The following ZNF480 variants were observed in gnomAD, a reference collection of about 807,000 sequenced individuals.
ZNF480 encodes zinc finger protein 480.
Under a neutral mutation model 14.4 loss-of-function variants are expected in ZNF480, and 15 were observed. The observed-to-expected ratio is 1.04, with a 90% CI of 0.70 to 1.60. ZNF480 has a LOEUF of 1.60. Among genes scored for constraint, ZNF480 ranks in the 40% most tolerant of loss-of-function variants. ZNF480 has a pLI of 0.00. For synonymous variants in ZNF480, 218 were observed against 215.5 expected (o/e 1.01, Z -0.10); for missense variants, 593 against 629.7 (o/e 0.94, Z 0.62).
At chr19:52,313,431 C>T (rs368886718) in intron 2 of ZNF480, among the ~76,000 whole-genome samples, 1 of 151,998 alleles carries the variant, frequency 6.6e-6, no homozygotes, top group Non-Finnish European at 1.5e-5. Context: ...AGCCACCATG[C>T]CTGGCCTATA....
intron 2 of ZNF480, among the ~76,000 whole-genome samples, chr19:52,304,640 G>T (rs1344999926): frequency 1.3e-5 from 2 of 151,852 alleles, no homozygotes; most frequent in African/African-American, 4.8e-5. Context: ...GCTTGAAGTG[G>T]TTTCTTTAAC....
At chr19:52,313,337 C>T (rs1309491061) in intron 2 of ZNF480, among the ~76,000 whole-genome samples, 3 of 151,702 alleles carry the variant, frequency 2.0e-5, no homozygotes, top group South Asian at 2.1e-4. Context: ...GGGGTTTCAC[C>T]ATGTTGGCCA....
Position 52,325,161 on chromosome 19 carries a change from A to T in ZNF480, c.*2303A>T, listed in dbSNP as rs1042187012. 1 of 152,240 alleles carries T rather than the reference A, an allele frequency of 6.6e-6. No homozygotes were observed. The highest frequency in any genetic ancestry group is 2.4e-5 in the African/African-American group (1 of 41,476). The allele number at this position is 152,240 out of a possible 1,614,324, so 9.4% of individuals were successfully genotyped here. A position where few individuals can be genotyped will look rare whatever the true frequency, so the allele number is the denominator to read the frequency against. On this transcript the variant is annotated 3_prime_UTR_variant, in exon 5 of 5. Coordinates refer to ENST00000595962, the MANE Select transcript of ZNF480 (RefSeq NM_144684.4). ...ATGTGGCAATAAGCATATGAAAAAAATGGTTAATATCGCTAATCATTAAGG... is the reference window on the plus strand; with the variant it reads ...ATGTGGCAATAAGCATATGAAAAAATTGGTTAATATCGCTAATCATTAAGG...
At chr19:52,301,827 G>T (rs910498157) in intron 2 of ZNF480, 1 of 152,306 alleles carries the variant, frequency 6.6e-6, no homozygotes, top group African/African-American at 2.4e-5. Flanking sequence ...GGCTTCCCAA[G>T]GACAGGAAAG....
At chr19:52,313,139 T>C (rs1034578787) in intron 2 of ZNF480, among the ~76,000 whole-genome samples, 2 of 148,718 alleles carry the variant, frequency 1.3e-5, no homozygotes, top group Non-Finnish European at 3.0e-5. Context: ...TTTCTCTTTT[T>C]TTTTTTTTTT....
At chr19:52,304,218 C>G (rs1982823729) in intron 2 of ZNF480, among the ~76,000 whole-genome samples, 1 of 152,220 alleles carries the variant, frequency 6.6e-6, no homozygotes, top group Admixed American at 6.5e-5. Flanking sequence ...AAACCGTTCA[C>G]AGCCTTGCTC....
At chr19:52,320,274 T>C (rs1600221773) in intron 4 of ZNF480, among the ~76,000 whole-genome samples, 1 of 152,226 alleles carries the variant, frequency 6.6e-6, no homozygotes, top group African/African-American at 2.4e-5. Context: ...CTCCTTCTCA[T>C]GTATTGTTTT....
intron 2 of ZNF480, among the ~76,000 whole-genome samples, chr19:52,312,450 A>G (rs140053471): frequency 3.9e-4 from 60 of 152,286 alleles, no homozygotes; most frequent in African/African-American, 1.2e-3. Flanking sequence ...ATGAGCCACC[A>G]TGCCCAGCCA....
In ZNF480 at chr19:52,323,815, C is replaced by T. The variant is rs1983962507; in HGVS notation, c.*957C>T. 1 of 152,040 alleles carries T rather than the reference C, an allele frequency of 6.6e-6. No homozygotes were observed. The highest frequency in any genetic ancestry group is 6.6e-5 in the Admixed American group (1 of 15,254). The allele number at this position is 152,040 out of a possible 1,614,324, so 9.4% of individuals were successfully genotyped here. The stretch of plus-strand genomic sequence containing the variant: ...TGAGGGAACATACTTCAATAAGAAC[C>T]ATCTATGCTGGACTCACAGCCAAAT... On this transcript the variant is annotated 3_prime_UTR_variant, in exon 5 of 5. Transcript: ENST00000595962.
rs1276481235 is a variant in ZNF480 at position 52,297,236 on chromosome 19, T to G, written c.-20+13T>G. 1 of 446,726 alleles carries G rather than the reference T, an allele frequency of 2.2e-6. No individual in the cohort carries two copies. Among genetic ancestry groups the G allele is most frequent in the East Asian group, 7.5e-5 (1 of 13,404 alleles). The allele number at this position is 446,726 out of a possible 1,614,324, so 27.7% of individuals were successfully genotyped here. A position where few individuals can be genotyped will look rare whatever the true frequency, so the allele number is the denominator to read the frequency against. ...CACGCCGCGGCGCGTGAGTTTCCCT[T>G]TGTGTAAATTAATCTGCGCTTCCCA... On this transcript the variant is annotated intron_variant, in intron 1 of 4. Transcript: ENST00000595962.
intron 2 of ZNF480, among the ~76,000 whole-genome samples, chr19:52,311,420 C>G (rs1322978578): frequency 6.6e-6 from 1 of 152,106 alleles, no homozygotes; most frequent in African/African-American, 2.4e-5. Flanking sequence ...TCAAGCAGAC[C>G]TCCCACCTTG....
chr19:52,310,000 T>G (rs1033031217), intron 2 of ZNF480, among the ~76,000 whole-genome samples: 1 of 152,080 alleles, frequency 6.6e-6, no homozygotes, highest in Non-Finnish European at 1.5e-5. Flanking sequence ...AAGAAGGAAA[T>G]TTTTTTCAAT....
chr19:52,304,066 A>G (rs116025415), intron 2 of ZNF480, among the ~76,000 whole-genome samples: 6,706 of 152,332 alleles, frequency 0.044, 137 homozygotes, highest in Middle Eastern at 0.079. Context: ...TATAACACTG[A>G]AAATTTTTTA....
intron 2 of ZNF480, 87 bp downstream of exon 2, chr19:52,300,571 A>C: frequency 6.3e-7 from 1 of 1,592,668 alleles, no homozygotes; most frequent in Non-Finnish European, 8.5e-7. Context: ...CTGAGTCTGA[A>C]GTGTCCTGCC....
chr19:52,312,149 ATT>A (rs10712920), intron 2 of ZNF480, among the ~76,000 whole-genome samples: 181 of 140,492 alleles, frequency 1.3e-3, no homozygotes, highest in South Asian at 1.1e-3. Flanking sequence ...CTCATATATA[ATT>A]TTTTTTTTTT....
rs1222278328 is a variant in ZNF480 at position 52,325,826 on chromosome 19, G to C, written c.*2968G>C. ...CTGTTGGGTACTATGCTGATTACCT[G>C]GGGACAAAATTAACTGTACACCAAA... is the stretch of plus-strand genomic sequence containing the variant. On this transcript the variant is annotated 3_prime_UTR_variant, in exon 5 of 5. Transcript: ENST00000595962. The C allele has an allele frequency of 6.6e-6, 1 of 152,130 alleles. No homozygotes were observed. The highest frequency in any genetic ancestry group is 1.5e-5 in the Non-Finnish European group (1 of 68,018). The allele number at this position is 152,130 out of a possible 1,614,324, so 9.4% of individuals were successfully genotyped here. A position where few individuals can be genotyped will look rare whatever the true frequency, so the allele number is the denominator to read the frequency against.
Position 52,321,615 on chromosome 19 carries a change from A to G in ZNF480, c.365A>G (p.Lys122Arg). The G allele has an allele frequency of 6.2e-7, 1 of 1,607,352 alleles. No homozygotes were observed. ...SYALGSNAED[K>R]PIKKQLGVSF... ...GCATTGGGAAGCAATGCAGAAGACA[A>G]ACCAATTAAAAAACAACTTGGAGTA... Residue 122 changes from lysine to arginine, a missense_variant, in exon 5 of 5, where the codon AAA (lysine) becomes AGA (arginine). Physicochemically the swap from Lys to Arg is conservative, Grantham distance 26. Coordinates refer to ENST00000595962, the MANE Select transcript of ZNF480 (RefSeq NM_144684.4).
Position 52,324,713 on chromosome 19 carries a change from A to G in ZNF480, c.*1855A>G, listed in dbSNP as rs1225171168. ...ACTTCATTCAATAAGTGGTGCTGGC[A>G]TAACTGGCTAGCCATATGCAGGATA... On this transcript the variant is annotated 3_prime_UTR_variant, in exon 5 of 5. Coordinates refer to ENST00000595962, the MANE Select transcript of ZNF480 (RefSeq NM_144684.4). 6.6e-6 allele frequency: 1 copy of G among 152,238 alleles called. No homozygotes were observed. The highest frequency in any genetic ancestry group is 2.4e-5 in the African/African-American group (1 of 41,468). The allele number at this position is 152,238 out of a possible 1,614,324, so 9.4% of individuals were successfully genotyped here. A position where few individuals can be genotyped will look rare whatever the true frequency, so the allele number is the denominator to read the frequency against.
chr19:52,305,477 C>G (rs1329245786), intron 2 of ZNF480, among the ~76,000 whole-genome samples: 1 of 152,174 alleles, frequency 6.6e-6, no homozygotes, highest in Non-Finnish European at 1.5e-5. Flanking sequence ...AGCACAGGAG[C>G]TGTGCTATGG....
Sources: gnomAD v4.1 joint callset for allele counts (sites outside exome capture counted in the v4.1 genomes callset) on GRCh38, gnomAD v4.1.1 for gene constraint, MANE v1.5 for transcripts, NCBI Gene and HGNC (gene_info 2026-07-23, HGNC 2026-07-21) for gene names.